MAGI1: variants seen among roughly 807,000 people sequenced by gnomAD.
MAGI1 encodes membrane-associated guanylate kinase, WW and PDZ domain-containing protein 1.
A neutral mutation model predicts 139.9 loss-of-function variants in MAGI1; 58 were observed. The ratio of observed to expected loss-of-function variants is 0.41; its 90% CI spans 0.34 to 0.52. MAGI1 has a LOEUF of 0.52. MAGI1 is among the 20% of genes least tolerant of loss of function. The probability of loss-of-function intolerance (pLI) is 0.12; values close to 1 mark genes in which losing one functional copy is unlikely to be tolerated. For missense variants in MAGI1, 1,874 were observed against 1,901.6 expected, an observed-to-expected ratio of 0.99 and a Z score of 0.27; for synonymous variants, 812 against 737.9, an observed-to-expected ratio of 1.10 and a Z score of -1.63.
At chr3:65,440,079 C>G (rs538783425) in intron 8 of MAGI1, 67 bp from the exon 9 acceptor site, 1 of 1,571,664 alleles carries the variant, frequency 6.4e-7, no homozygotes, top group Non-Finnish European at 8.7e-7. Flanking sequence ...GCCAATCAGA[C>G]CAAGTCCCTG....
At chr3:65,849,853 C>CTTT (rs2059145688) in intron 1 of MAGI1, among the ~76,000 whole-genome samples, 2 of 152,138 alleles carry the variant, frequency 1.3e-5, no homozygotes, top group African/African-American at 2.4e-5. Context: ...GATTTGATGT[C>CTTT]AGTGTTTGGG....
intron 1 of MAGI1, among the ~76,000 whole-genome samples, chr3:65,638,873 C>T (rs1338828103): frequency 6.6e-6 from 1 of 152,060 alleles, no homozygotes; most frequent in African/African-American, 2.4e-5. Context: ...TCCCAAAGTG[C>T]TGGGATTACA....
chr3:65,598,874 T>C (rs919755299), intron 2 of MAGI1, among the ~76,000 whole-genome samples: 21 of 152,186 alleles, frequency 1.4e-4, no homozygotes, highest in Admixed American at 1.2e-3. Flanking sequence ...GAAAACTTTA[T>C]TGAGAGACCT....
At chr3:65,547,406 A>G (rs1333175350) in intron 2 of MAGI1, among the ~76,000 whole-genome samples, 1 of 152,180 alleles carries the variant, frequency 6.6e-6, no homozygotes. Flanking sequence ...TTTTATATCT[A>G]TTACCAGAGT....
intron 1 of MAGI1, among the ~76,000 whole-genome samples, chr3:65,866,421 T>C (rs990110781): frequency 4.7e-5 from 7 of 147,558 alleles, no homozygotes; most frequent in African/African-American, 1.8e-4. Context: ...AAGGAAACAC[T>C]AAAAGAAAAA....
At chr3:65,529,492 T>C (rs1345717452) in intron 2 of MAGI1, among the ~76,000 whole-genome samples, 1 of 152,332 alleles carries the variant, frequency 6.6e-6, no homozygotes, top group African/African-American at 2.4e-5. Flanking sequence ...ATGTTTCTTA[T>C]AGTGAAACGT....
At position 65,509,361 on chromosome 3, in the gene MAGI1, G is replaced by T. The variant is rs574242529; in HGVS notation, c.431-15730C>A. Among the ~76,000 whole-genome samples, 71 of 152,292 alleles carry T rather than the reference G, an allele frequency of 4.7e-4. 1 individual carries two copies. Among genetic ancestry groups the T allele is most frequent in the South Asian group, 2.9e-3 (14 of 4,834 alleles). ...AGCTCCCAGCGTGAGCGACGCAGAA[G>T]ACGGGTGATTTCTGCGTTTCCATCT... On this transcript the variant is annotated intron_variant, in intron 2 of 22. Coordinates refer to ENST00000402939, the MANE Select transcript of MAGI1 (RefSeq NM_001033057.2).
intron 1 of MAGI1, among the ~76,000 whole-genome samples, chr3:65,705,636 A>C (rs1483191613): frequency 2.6e-5 from 4 of 152,254 alleles, no homozygotes; most frequent in African/African-American, 9.6e-5. Flanking sequence ...TAATTCTCAA[A>C]AGCTAAGTCA....
chr3:65,686,377 C>T (rs1270395107), intron 1 of MAGI1, among the ~76,000 whole-genome samples: 2 of 152,084 alleles, frequency 1.3e-5, no homozygotes, highest in African/African-American at 2.4e-5. Flanking sequence ...CTGCAACTTC[C>T]GCCTCCTGGA....
chr3:65,477,720 T>A (rs925411996), intron 4 of MAGI1, among the ~76,000 whole-genome samples: 61 of 113,620 alleles, frequency 5.4e-4, no homozygotes, highest in Admixed American at 9.7e-4. Context: ...TATTTTTTTT[T>A]TTTTATTTAT....
chr3:65,539,684 C>G (rs994745654), intron 2 of MAGI1, among the ~76,000 whole-genome samples: 1 of 152,162 alleles, frequency 6.6e-6, no homozygotes, highest in Non-Finnish European at 1.5e-5. Flanking sequence ...TTCCTGGGCA[C>G]TCTAGCAGAC....
intron 18 of MAGI1, among the ~76,000 whole-genome samples, chr3:65,369,115 G>A (rs1489597179): frequency 1.3e-5 from 2 of 152,190 alleles, no homozygotes; most frequent in Admixed American, 6.5e-5. Flanking sequence ...TCACAGGAGA[G>A]AAGGTTCTGC....
chr3:65,664,194 C>T (rs759755354), intron 1 of MAGI1, among the ~76,000 whole-genome samples: 3 of 152,040 alleles, frequency 2.0e-5, no homozygotes, highest in Admixed American at 6.6e-5. Flanking sequence ...ATAACAGGTT[C>T]GCCAAGAAAT....
chr3:65,381,804 A>C (rs1943074740), intron 16 of MAGI1, 73 bp downstream of exon 16: 1 of 1,354,744 alleles, frequency 7.4e-7, no homozygotes, highest in Non-Finnish European at 1.0e-6. Flanking sequence ...TCAAGGAGGC[A>C]GACACAGGAA....
At chr3:65,827,071 A>G (rs897469119) in intron 1 of MAGI1, among the ~76,000 whole-genome samples, 2 of 152,186 alleles carry the variant, frequency 1.3e-5, no homozygotes, top group Non-Finnish European at 2.9e-5. Flanking sequence ...ACTTTCTATA[A>G]TCCAAAGTAA....
chr3:65,675,129 C>T (rs2087104845), intron 1 of MAGI1, among the ~76,000 whole-genome samples: 1 of 152,164 alleles, frequency 6.6e-6, no homozygotes, highest in South Asian at 2.1e-4. Flanking sequence ...ACCACACTGT[C>T]AGTCTCAATC....
chr3:65,704,678 A>G (rs2089832403), intron 1 of MAGI1, among the ~76,000 whole-genome samples: 1 of 152,136 alleles, frequency 6.6e-6, no homozygotes, highest in African/African-American at 2.4e-5. Context: ...TTTTTCAACA[A>G]TCATTTTAAT....
At chr3:65,557,056 C>G (rs2080119500) in intron 2 of MAGI1, among the ~76,000 whole-genome samples, 1 of 152,112 alleles carries the variant, frequency 6.6e-6, no homozygotes, top group African/African-American at 2.4e-5. Flanking sequence ...AAGAACTTTC[C>G]AACAAATCCC....
At chr3:65,393,227 CT>C (rs1412870579) in intron 13 of MAGI1, among the ~76,000 whole-genome samples, 1 of 152,142 alleles carries the variant, frequency 6.6e-6, no homozygotes, top group African/African-American at 2.4e-5. Flanking sequence ...TACTCATTTT[CT>C]TTTGCATGCA....
Sources: gnomAD v4.1 joint callset for allele counts (sites outside exome capture counted in the v4.1 genomes callset) on GRCh38, gnomAD v4.1.1 for gene constraint, MANE v1.5 for transcripts, NCBI Gene and HGNC (gene_info 2026-07-23, HGNC 2026-07-21) for gene names.